PRKCH: variants seen among roughly 807,000 people sequenced by gnomAD.
PRKCH encodes the protein protein kinase C eta.
Under a neutral mutation model 82.5 loss-of-function variants are expected in PRKCH, and 28 were observed. The ratio of observed to expected loss-of-function variants is 0.34; its 90% CI spans 0.25 to 0.47. The LOEUF (loss-of-function observed/expected upper bound fraction) is 0.47. PRKCH is among the 20% of genes least tolerant of loss of function. The pLI is 1.00. For missense variants in PRKCH, 705 were observed against 881.8 expected (o/e 0.80, Z 2.54); for synonymous variants, 322 against 327.4 (o/e 0.98, Z 0.18).
intron 7 of PRKCH, among the ~76,000 whole-genome samples, chr14:61,453,748 G>A (rs1884630282): frequency 6.6e-6 from 1 of 151,802 alleles, no homozygotes; most frequent in African/African-American, 2.4e-5. Context: ...CGACTGCCTA[G>A]GCTCAAGTGA....
At chr14:61,453,112 T>A in intron 6 of PRKCH, 114 bp from the exon 7 acceptor site, 2 of 1,315,990 alleles carry the variant, frequency 1.5e-6, no homozygotes, top group Non-Finnish European at 2.2e-6. Context: ...ATGATACTGT[T>A]CAGCCGGTAT....
chr14:61,338,492 C>G (rs2045887364), intron 1 of PRKCH, among the ~76,000 whole-genome samples: 1 of 151,954 alleles, frequency 6.6e-6, no homozygotes, highest in Admixed American at 6.6e-5. Flanking sequence ...TAGCTGAATC[C>G]TAGGTTCCTC....
intron 2 of PRKCH, among the ~76,000 whole-genome samples, chr14:61,396,411 A>G (rs1193265471): frequency 6.6e-6 from 1 of 152,230 alleles, no homozygotes; most frequent in Non-Finnish European, 1.5e-5. Flanking sequence ...GAAGTGACAT[A>G]AGAAAAACCT....
At chr14:61,247,627 T>C (rs1158941330) in intron 1 of PRKCH, among the ~76,000 whole-genome samples, 1 of 147,028 alleles carries the variant, frequency 6.8e-6, no homozygotes, top group Non-Finnish European at 1.5e-5. Flanking sequence ...TCCCAGCTAC[T>C]TGGGAGGCTG....
intron 1 of PRKCH, among the ~76,000 whole-genome samples, chr14:61,340,814 C>G (rs564056690): frequency 2.0e-5 from 3 of 152,318 alleles, no homozygotes; most frequent in African/African-American, 7.2e-5. Context: ...CCCATTTTCC[C>G]GGTCAGAACT....
intron 1 of PRKCH, among the ~76,000 whole-genome samples, chr14:61,358,346 A>G (rs1358487500): frequency 1.3e-5 from 2 of 152,174 alleles, no homozygotes; most frequent in Non-Finnish European, 2.9e-5. Flanking sequence ...CAAGCCAGAA[A>G]CCTGGGAGTC....
chr14:61,295,840 C>CT (rs35418359), intron 1 of PRKCH, among the ~76,000 whole-genome samples: 88,351 of 152,008 alleles, frequency 0.58, 28,620 homozygotes, highest in Non-Finnish European at 0.71. Context: ...TGATAACCCC[C>CT]GATAAATAAC....
intron 10 of PRKCH, among the ~76,000 whole-genome samples, chr14:61,494,091 A>G (rs138795844): frequency 1.6e-3 from 236 of 152,206 alleles, no homozygotes; most frequent in African/African-American, 5.5e-3. Flanking sequence ...TCCAGTGGAG[A>G]TGCTCCATGG....
At chr14:61,266,801 C>T (rs998014184) in intron 1 of PRKCH, among the ~76,000 whole-genome samples, 1 of 152,142 alleles carries the variant, frequency 6.6e-6, no homozygotes, top group Non-Finnish European at 1.5e-5. Context: ...ATATAAGAAT[C>T]TGTGTATGCT....
chr14:61,504,252 G>A (rs1295109939), intron 10 of PRKCH, among the ~76,000 whole-genome samples: 2 of 151,796 alleles, frequency 1.3e-5, no homozygotes, highest in Non-Finnish European at 2.9e-5. Context: ...GCAGTGGTGC[G>A]ATCTCGGCTC....
At chr14:61,243,704 A>C (rs922760069) in intron 1 of PRKCH, among the ~76,000 whole-genome samples, 7 of 152,196 alleles carry the variant, frequency 4.6e-5, no homozygotes, top group African/African-American at 1.7e-4. Flanking sequence ...TTTAATTTCA[A>C]ATCATTTGTT....
intron 1 of PRKCH, among the ~76,000 whole-genome samples, chr14:61,195,314 G>A (rs549985157): frequency 6.6e-6 from 1 of 152,176 alleles, no homozygotes; most frequent in Admixed American, 6.5e-5. Context: ...CACCTTCAAG[G>A]ATAGATTACC....
chr14:61,439,527 G>A (rs1268279170), intron 2 of PRKCH, among the ~76,000 whole-genome samples: 1 of 152,202 alleles, frequency 6.6e-6, no homozygotes, highest in Non-Finnish European at 1.5e-5. Context: ...CTGTATGAAA[G>A]TGCATGGGAA....
chr14:61,499,105 T>G (rs925150260), intron 10 of PRKCH, among the ~76,000 whole-genome samples: 2 of 152,170 alleles, frequency 1.3e-5, no homozygotes, highest in Non-Finnish European at 2.9e-5. Flanking sequence ...AGCTCTATTT[T>G]GAGGTGTGTT....
At chr14:61,518,435 CA>C (rs112769256) in intron 10 of PRKCH, among the ~76,000 whole-genome samples, 23,326 of 127,100 alleles carry the variant, frequency 0.18, 2,099 homozygotes, top group African/African-American at 0.29. Context: ...ATGTGGAATG[CA>C]AAAAAAAAAA....
At position 61,476,041 on chromosome 14, in the gene PRKCH, T is replaced by C. The variant is rs189403213; in HGVS notation, c.1279-9461T>C. On this transcript the variant is annotated intron_variant, in intron 9 of 13. Transcript: ENST00000332981. ...AAAATCAAAGCTTTATAAAGGAAAA[T>C]ATAGCATCAGCAGACCTGATTGTCC... Among the ~76,000 whole-genome samples the C allele has an allele frequency of 2.6e-5, 4 of 152,324 alleles. No individual in the cohort carries two copies. The East Asian group carries it at 7.7e-4, about 29-fold the overall frequency.
intron 1 of PRKCH, among the ~76,000 whole-genome samples, chr14:61,224,085 G>T (rs981495930): frequency 6.6e-5 from 10 of 152,280 alleles, no homozygotes; most frequent in Admixed American, 4.6e-4. Flanking sequence ...GCACTGAGAA[G>T]TCTCGATCCC....
At chr14:61,549,166 C>G (rs1253344495) in intron 13 of PRKCH, among the ~76,000 whole-genome samples, 1 of 152,152 alleles carries the variant, frequency 6.6e-6, no homozygotes. Flanking sequence ...TCCAGCAGGG[C>G]GTAACGCATC....
At chr14:61,506,085 C>G (rs1887133701) in intron 10 of PRKCH, among the ~76,000 whole-genome samples, 1 of 152,054 alleles carries the variant, frequency 6.6e-6, no homozygotes, top group Non-Finnish European at 1.5e-5. Flanking sequence ...CTGGTTCAGT[C>G]TTACATTTCA....
Sources: gnomAD v4.1 joint callset for allele counts (sites outside exome capture counted in the v4.1 genomes callset) on GRCh38, gnomAD v4.1.1 for gene constraint, MANE v1.5 for transcripts, NCBI Gene and HGNC (gene_info 2026-07-23, HGNC 2026-07-21) for gene names.